ERC1: variants seen among roughly 807,000 people sequenced by gnomAD.
ERC1 encodes the protein ELKS/RAB6-interacting/CAST family member 1.
In ERC1, 56 loss-of-function variants were observed where a neutral mutation model predicts 132.0. The observed-to-expected ratio is 0.42, with a 90% CI of 0.34 to 0.53. The LOEUF (loss-of-function observed/expected upper bound fraction) is 0.53, where lower values mean the gene tolerates loss of function less well. Ranked by LOEUF, ERC1 falls within the 20% of genes least tolerant of loss-of-function variation. The probability of loss-of-function intolerance (pLI) is 0.03; values close to 1 mark genes in which losing one functional copy is unlikely to be tolerated. For synonymous variants in ERC1, 478 were observed against 476.1 expected (o/e 1.00, Z -0.05); for missense variants, 1,202 against 1,349.9 (o/e 0.89, Z 1.72).
At chr12:1,082,473 G>GC (rs576974046) in intron 2 of ERC1, among the ~76,000 whole-genome samples, 2 of 122,024 alleles carry the variant, frequency 1.6e-5, no homozygotes, top group Non-Finnish European at 3.4e-5. Flanking sequence ...ATTTTTTGAT[G>GC]AAAAAAAAAA....
intron 8 of ERC1, among the ~76,000 whole-genome samples, chr12:1,148,367 G>C (rs1044126218): frequency 1.3e-5 from 2 of 152,090 alleles, no homozygotes; most frequent in African/African-American, 4.8e-5. Flanking sequence ...CATGGCAACA[G>C]GAGAGAGACA....
chr12:1,353,831 T>A (rs1201025458), intron 15 of ERC1, among the ~76,000 whole-genome samples: 1 of 152,186 alleles, frequency 6.6e-6, no homozygotes, highest in African/African-American at 2.4e-5. Context: ...GAAACTACCC[T>A]CCAAAGTAGT....
At chr12:1,216,346 T>C (rs61911963) in intron 12 of ERC1, among the ~76,000 whole-genome samples, 1,977 of 152,276 alleles carry the variant, frequency 0.013, 20 homozygotes, top group Middle Eastern at 0.024. Context: ...TATCATTTAC[T>C]TAATAGATCT....
chr12:1,183,250 A>G (rs1364789422), intron 10 of ERC1, 31 bp from the exon 11 acceptor site: 1 of 1,424,382 alleles, frequency 7.0e-7, no homozygotes. Flanking sequence ...TTTTAAAATT[A>G]TTTATTCTAG....
intron 8 of ERC1, among the ~76,000 whole-genome samples, chr12:1,153,950 A>T (rs1329974682): frequency 6.6e-6 from 1 of 152,182 alleles, no homozygotes; most frequent in Non-Finnish European, 1.5e-5. Flanking sequence ...TGAATAATGT[A>T]CATTGTATTC....
chr12:1,276,873 A>G (rs371359667), intron 14 of ERC1, among the ~76,000 whole-genome samples: 5 of 152,232 alleles, frequency 3.3e-5, no homozygotes, highest in East Asian at 3.8e-4. Flanking sequence ...ATATTTTTAT[A>G]CTTATCTAAA....
At chr12:1,341,896 G>A (rs1307689795) in intron 15 of ERC1, among the ~76,000 whole-genome samples, 7 of 152,094 alleles carry the variant, frequency 4.6e-5, no homozygotes, top group Non-Finnish European at 7.4e-5. Context: ...GAATCACTTT[G>A]AATGGATATT....
chr12:1,319,698 T>G (rs1437081831), intron 15 of ERC1, among the ~76,000 whole-genome samples: 1 of 152,206 alleles, frequency 6.6e-6, no homozygotes, highest in Non-Finnish European at 1.5e-5. Context: ...ATGTTACATT[T>G]TGGTATCATT....
intron 13 of ERC1, 98 bp downstream of exon 13, chr12:1,237,002 C>CT (rs1168049160): frequency 7.2e-7 from 1 of 1,395,368 alleles, no homozygotes; most frequent in East Asian, 2.4e-5. Flanking sequence ...TCTTTTTTCT[C>CT]TTTCTAACCC....
At chr12:1,345,341 C>T (rs1021904412) in intron 15 of ERC1, among the ~76,000 whole-genome samples, 5 of 152,112 alleles carry the variant, frequency 3.3e-5, no homozygotes, top group Middle Eastern at 3.4e-3. Context: ...CCACCACACC[C>T]GGCTAATTTT....
At chr12:1,204,119 A>C in intron 12 of ERC1, 1 of 175,584 alleles carries the variant, frequency 5.7e-6, no homozygotes, top group Non-Finnish European at 1.2e-5. Context: ...AAAACTAAGC[A>C]GACTAAAATT....
chr12:1,374,824 ATTT>A (rs5795968), intron 16 of ERC1, among the ~76,000 whole-genome samples: 2,382 of 124,522 alleles, frequency 0.019, 18 homozygotes, highest in East Asian at 0.07. Context: ...ACAGGCTGGG[ATTT>A]TTTTTTTTTT....
In ERC1 at chr12:1,069,010, T is replaced by G. The variant is rs1201142298; in HGVS notation, c.670-14154T>G. ...ATAAGGTCTTATATTGAGAGGTAGA[T>G]TTATTTAATATTCCATAGATGTAAT... On this transcript the variant is annotated intron_variant, in intron 2 of 18. Transcript: ENST00000360905. Among the ~76,000 whole-genome samples the G allele has an allele frequency of 2.0e-5, 3 of 152,338 alleles. No individual in the cohort carries two copies. The South Asian group carries it at 6.2e-4, about 32-fold the overall frequency.
intron 4 of ERC1, among the ~76,000 whole-genome samples, chr12:1,105,574 G>A (rs1945165165): frequency 6.6e-6 from 1 of 152,030 alleles, no homozygotes; most frequent in Non-Finnish European, 1.5e-5. Flanking sequence ...AGCCAGGATG[G>A]TCTCCATCTC....
At chr12:1,480,729 T>C in intron 18 of ERC1, 1 of 658,366 alleles carries the variant, frequency 1.5e-6, no homozygotes, top group Non-Finnish European at 2.8e-6. Context: ...TAAGCAGGTG[T>C]GGGAGGGGGT....
chr12:1,339,758 G>C (rs1368635567), intron 15 of ERC1, among the ~76,000 whole-genome samples: 1 of 152,182 alleles, frequency 6.6e-6, no homozygotes, highest in African/African-American at 2.4e-5. Context: ...ACAGGTCTCT[G>C]TGTGCCCCAG....
At chr12:1,450,319 ACTCCCCATT>A (rs1265972543) in intron 18 of ERC1, among the ~76,000 whole-genome samples, 12 of 152,010 alleles carry the variant, frequency 7.9e-5, no homozygotes, top group Non-Finnish European at 1.8e-4. Context: ...TTAAACAGTA[ACTCCCCATT>A]CTCCCTTGCC....
intron 1 of ERC1, among the ~76,000 whole-genome samples, chr12:1,011,125 A>G (rs1380195651): frequency 6.6e-6 from 1 of 152,222 alleles, no homozygotes; most frequent in Non-Finnish European, 1.5e-5. Context: ...GAGACTAGGT[A>G]CAAAAGGATG....
At chr12:1,151,437 A>G (rs558416121) in intron 8 of ERC1, among the ~76,000 whole-genome samples, 6 of 152,360 alleles carry the variant, frequency 3.9e-5, no homozygotes, top group African/African-American at 1.4e-4. Context: ...ATGAACAACC[A>G]GGACAGATTT....
Sources: gnomAD v4.1 joint callset for allele counts (sites outside exome capture counted in the v4.1 genomes callset) on GRCh38, gnomAD v4.1.1 for gene constraint, MANE v1.5 for transcripts, NCBI Gene and HGNC (gene_info 2026-07-23, HGNC 2026-07-21) for gene names.